ZNF92: variants seen among roughly 807,000 people sequenced by gnomAD.
ZNF92 encodes the protein epididymis luminal protein 203.
ZNF92 carries 11 observed loss-of-function variants against 12.4 expected under a neutral mutation model. The observed-to-expected ratio is 0.89, with a 90% CI of 0.56 to 1.47. ZNF92 has a LOEUF of 1.47. Among genes scored for constraint, ZNF92 ranks in the 40% most tolerant of loss-of-function variants. ZNF92 has a pLI of 0.00. For missense variants in ZNF92, 622 were observed against 681.0 expected (o/e 0.91, Z 0.96); for synonymous variants, 206 against 228.6 (o/e 0.90, Z 0.89).
chr7:65,399,070 G>T lies in ZNF92; in HGVS notation c.956G>T (p.Gly319Val), dbSNP rs1201058352. ...AAACCCTACAAATGTGAAGAATGTGGCAAAGCCTTTAGAGTATTCTCAATT... is the reference window on the plus strand; with the variant it reads ...AAACCCTACAAATGTGAAGAATGTGTCAAAGCCTTTAGAGTATTCTCAATT... Reference protein sequence around the residue: ...EDKPYKCEECGKAFRVFSILK... With the variant: ...EDKPYKCEECVKAFRVFSILK... The change falls in exon 4 of 4, where the codon GGC becomes GTC. Residue 319 changes from glycine (G) to valine (V), a missense_variant. Transcript: ENST00000328747. 1 of 1,613,194 alleles carries T rather than the reference G, an allele frequency of 6.2e-7. No homozygotes were observed. Among genetic ancestry groups the T allele is most frequent in the South Asian group, 1.1e-5 (1 of 91,026 alleles).
chr7:65,380,812 G>A (rs2116345422), intron 1 of ZNF92, among the ~76,000 whole-genome samples: 1 of 152,188 alleles, frequency 6.6e-6, no homozygotes, highest in Non-Finnish European at 1.5e-5. Context: ...ACTCCCACCA[G>A]CAGAGTATAA....
At chr7:65,387,784 C>G in intron 1 of ZNF92, 118 bp from the exon 2 acceptor site, 1 of 1,244,748 alleles carries the variant, frequency 8.0e-7, no homozygotes, top group Non-Finnish European at 1.1e-6. Flanking sequence ...TCAGTCACTC[C>G]TGTAAGTCAG....
At chr7:65,379,727 C>T (rs1584274976) in intron 1 of ZNF92, among the ~76,000 whole-genome samples, 1 of 152,100 alleles carries the variant, frequency 6.6e-6, no homozygotes, top group East Asian at 1.9e-4. Context: ...GCTTTCTCCA[C>T]CAACCTAGGG....
At chr7:65,380,458 G>A (rs954200709) in intron 1 of ZNF92, among the ~76,000 whole-genome samples, 1 of 152,020 alleles carries the variant, frequency 6.6e-6, no homozygotes, top group East Asian at 1.9e-4. Flanking sequence ...TTTTTGTACA[G>A]ACAGAGTTTT....
intron 3 of ZNF92, among the ~76,000 whole-genome samples, chr7:65,395,642 C>T (rs188958829): frequency 6.6e-6 from 1 of 152,050 alleles, no homozygotes; most frequent in African/African-American, 2.4e-5. Flanking sequence ...TACACTCCAT[C>T]AATTCAAGTG....
At chr7:65,386,840 A>G (rs1793579028) in intron 1 of ZNF92, among the ~76,000 whole-genome samples, 1 of 151,918 alleles carries the variant, frequency 6.6e-6, no homozygotes, top group African/African-American at 2.4e-5. Flanking sequence ...AGTTCAGTTG[A>G]TATTAATGAT....
intron 3 of ZNF92, among the ~76,000 whole-genome samples, chr7:65,394,617 G>A: frequency 6.6e-6 from 1 of 152,068 alleles, no homozygotes; most frequent in East Asian, 1.9e-4. Context: ...CTTTACCACT[G>A]TAGGTTGTAT....
At chr7:65,383,971 G>T (rs1793495461) in intron 1 of ZNF92, among the ~76,000 whole-genome samples, 1 of 152,112 alleles carries the variant, frequency 6.6e-6, no homozygotes, top group Non-Finnish European at 1.5e-5. Flanking sequence ...CAGTGTAAGA[G>T]AAATGAGTCA....
In ZNF92 at chr7:65,377,776, A is replaced by G. The variant is rs866643777; in HGVS notation, c.3+3776A>G. Among the ~76,000 whole-genome samples, 18 of 149,336 alleles carry G rather than the reference A, an allele frequency of 1.2e-4. 1 individual carries two copies. Among genetic ancestry groups the G allele is most frequent in the African/African-American group, 4.1e-4 (16 of 38,794 alleles). Reference sequence around the variant, plus strand: ...GAGACGGGGTTTCACCATGTTGGTCAGGATGGTGTCCATCTCTTGACCTCA... The same window carrying G: ...GAGACGGGGTTTCACCATGTTGGTCGGGATGGTGTCCATCTCTTGACCTCA... On this transcript the variant is annotated intron_variant, in intron 1 of 3. Coordinates refer to ENST00000328747, the MANE Select transcript of ZNF92 (RefSeq NM_152626.4).
intron 3 of ZNF92, among the ~76,000 whole-genome samples, chr7:65,390,668 C>T (rs1051233639): frequency 6.6e-6 from 1 of 152,076 alleles, no homozygotes; most frequent in Non-Finnish European, 1.5e-5. Context: ...ATATAATGGA[C>T]CTTGTATCAG....
chr7:65,382,192 G>C (rs916131158), intron 1 of ZNF92, among the ~76,000 whole-genome samples: 11 of 151,934 alleles, frequency 7.2e-5, no homozygotes, highest in African/African-American at 2.7e-4. Context: ...TCTACTTATG[G>C]ACTAATTATT....
At chr7:65,396,304 C>G (rs1268078458) in intron 3 of ZNF92, among the ~76,000 whole-genome samples, 1 of 151,776 alleles carries the variant, frequency 6.6e-6, no homozygotes, top group Non-Finnish European at 1.5e-5. Context: ...TTCTCATTTC[C>G]TGTTTTACTC....
At chr7:65,385,619 T>C (rs1793541600) in intron 1 of ZNF92, among the ~76,000 whole-genome samples, 1 of 151,794 alleles carries the variant, frequency 6.6e-6, no homozygotes, top group Non-Finnish European at 1.5e-5. Context: ...GGAAAGGAGA[T>C]ATCATTATCT....
At chr7:65,385,753 C>T (rs138740127) in intron 1 of ZNF92, among the ~76,000 whole-genome samples, 2,801 of 151,158 alleles carry the variant, frequency 0.019, 51 homozygotes, top group Non-Finnish European at 0.027. Flanking sequence ...CAGGTGGTGC[C>T]GACACCTTTA....
Position 65,399,032 on chromosome 7 carries a change from T to C in ZNF92, c.918T>C (p.Ile306=). Residue 306 remains isoleucine (I), a synonymous_variant, in exon 4 of 4, where the codon ATT becomes ATC. Coordinates refer to ENST00000328747, the MANE Select transcript of ZNF92 (RefSeq NM_152626.4). ...CGATTCTTAATAAACATAAGAGAAT[T>C]CATATGGAAGATAAACCCTACAAAT... is the stretch of plus-strand genomic sequence containing the variant. The part of the protein sequence containing the change: ...QFSILNKHKR[I]HMEDKPYKCE... 1 of 1,613,312 alleles carries C rather than the reference T, an allele frequency of 6.2e-7. No homozygotes were observed. The highest frequency in any genetic ancestry group is 1.1e-5 in the South Asian group (1 of 91,024).
chr7:65,378,704 T>C (rs1004219266), intron 1 of ZNF92, among the ~76,000 whole-genome samples: 7 of 151,220 alleles, frequency 4.6e-5, no homozygotes, highest in Admixed American at 6.6e-5. Flanking sequence ...ATCGTGCCAC[T>C]GCACTCCAGC....
chr7:65,376,555 T>C (rs1793244025), intron 1 of ZNF92, among the ~76,000 whole-genome samples: 1 of 152,134 alleles, frequency 6.6e-6, no homozygotes, highest in South Asian at 2.1e-4. Flanking sequence ...CAAGCGATTC[T>C]GCTGCCTTAG....
Position 65,398,941 on chromosome 7 carries a change from A to G in ZNF92, c.827A>G (p.Lys276Arg), listed in dbSNP as rs1159810092. The change falls in exon 4 of 4, where the codon AAA (lysine) becomes AGA (arginine). Residue 276 changes from lysine to arginine, a missense_variant. Transcript: ENST00000328747. Reference sequence around the variant, plus strand: ...CGGTCCTCAACCCTTACTAAACATAAAAGAATTCATACAGAAGAGAAACCC... The same window carrying G: ...CGGTCCTCAACCCTTACTAAACATAGAAGAATTCATACAGAAGAGAAACCC... ...FNRSSTLTKHKRIHTEEKPYK... is the reference protein window; with the variant it reads ...FNRSSTLTKHRRIHTEEKPYK... 6.2e-7 allele frequency: 1 copy of G among 1,613,348 alleles called. No homozygotes were observed.
intron 3 of ZNF92, among the ~76,000 whole-genome samples, chr7:65,394,085 G>T (rs1350594731): frequency 6.6e-6 from 1 of 152,014 alleles, no homozygotes; most frequent in East Asian, 1.9e-4. Flanking sequence ...GAAGTATAGC[G>T]TAATTCAGTT....
Sources: allele counts gnomAD v4.1 joint callset (sites outside exome capture counted in the v4.1 genomes callset), GRCh38; gene constraint gnomAD v4.1.1; transcripts MANE v1.5; gene names NCBI Gene and HGNC (gene_info 2026-07-23, HGNC 2026-07-21).